The following GPC3 variants were observed in gnomAD, a reference collection of about 807,000 sequenced individuals.
The protein encoded by GPC3 is glypican 3.
A neutral mutation model predicts 34.4 loss-of-function variants in GPC3; 3 were observed. The observed-to-expected ratio is 0.09, with a 90% CI of 0.04 to 0.23. GPC3 has a LOEUF of 0.23. Ranked by LOEUF, GPC3 falls within the 10% of genes least tolerant of loss-of-function variation. The probability of loss-of-function intolerance (pLI) is 1.00; values close to 1 mark genes in which losing one functional copy is unlikely to be tolerated. For missense variants in GPC3, 351 were observed against 445.6 expected, an observed-to-expected ratio of 0.79 and a Z score of 1.91; for synonymous variants, 177 against 174.0, an observed-to-expected ratio of 1.02 and a Z score of -0.13.
In GPC3 at chrX:133,650,949, A is replaced by G. The variant is rs185679226; in HGVS notation, c.1413+10781T>C. Among the ~76,000 whole-genome samples, 7 of 111,570 alleles carry G rather than the reference A, an allele frequency of 6.3e-5. No homozygotes were observed. In the East Asian group the frequency reaches 2.0e-3, roughly 32 times the overall value. Reference sequence around the variant, plus strand: ...GTTACTACAAAATGACAAATCTGAGAATTAAAAATAGATCTATTTGGCTCT... The same window carrying G: ...GTTACTACAAAATGACAAATCTGAGGATTAAAAATAGATCTATTTGGCTCT... On this transcript the variant is annotated intron_variant, in intron 6 of 7. Coordinates refer to ENST00000370818, the MANE Select transcript of GPC3 (RefSeq NM_004484.4).
chrX:133,961,716 A>G (rs1443144401), intron 1 of GPC3, among the ~76,000 whole-genome samples: 1 of 111,867 alleles, frequency 8.9e-6, no homozygotes, highest in Non-Finnish European at 1.9e-5. Flanking sequence ...CAAATTAACT[A>G]GAAACCTTTC....
At chrX:133,673,778 A>G (rs1241791882) in intron 5 of GPC3, among the ~76,000 whole-genome samples, 1 of 112,397 alleles carries the variant, frequency 8.9e-6, no homozygotes, top group Non-Finnish European at 1.9e-5. Context: ...GAATTATTTG[A>G]TATAATGAAT....
intron 2 of GPC3, among the ~76,000 whole-genome samples, chrX:133,927,537 T>G (rs1206239112): frequency 9.1e-6 from 1 of 109,867 alleles, no homozygotes; most frequent in Non-Finnish European, 1.9e-5. Flanking sequence ...AGTGCCTTGA[T>G]GCAATCATGG....
At chrX:133,708,401 G>A (rs909907392) in intron 3 of GPC3, among the ~76,000 whole-genome samples, 4 of 111,514 alleles carry the variant, frequency 3.6e-5, no homozygotes, top group Non-Finnish European at 3.8e-5. Context: ...ATCCAAAGAA[G>A]CCTTTCCATA....
At chrX:133,721,396 T>C (rs1252000055) in intron 3 of GPC3, among the ~76,000 whole-genome samples, 1 of 110,325 alleles carries the variant, frequency 9.1e-6, no homozygotes, top group East Asian at 2.8e-4. Flanking sequence ...AACAACTTTA[T>C]GCCAAAAAGT....
At chrX:133,740,892 A>T (rs1286595089) in intron 3 of GPC3, among the ~76,000 whole-genome samples, 2 of 110,018 alleles carry the variant, frequency 1.8e-5, no homozygotes, top group East Asian at 2.8e-4. Context: ...TGTTTGTTTT[A>T]AAAAAACGTA....
intron 7 of GPC3, among the ~76,000 whole-genome samples, chrX:133,538,048 C>T (rs986676550): frequency 2.7e-5 from 3 of 111,275 alleles, no homozygotes; most frequent in Non-Finnish European, 3.8e-5. Flanking sequence ...CCTGAGTACT[C>T]GTAATAATTC....
chrX:133,795,690 T>C (rs916920641), intron 2 of GPC3, among the ~76,000 whole-genome samples: 18 of 111,458 alleles, frequency 1.6e-4, no homozygotes, highest in African/African-American at 5.9e-4. Flanking sequence ...ATATAAATTA[T>C]CTTGAGGCTT....
chrX:133,916,879 A>AATG (rs1270631536), intron 2 of GPC3, among the ~76,000 whole-genome samples: 1 of 110,811 alleles, frequency 9.0e-6, no homozygotes, highest in Non-Finnish European at 1.9e-5. Flanking sequence ...ATCCTGTCTC[A>AATG]ATGATGATGA....
At chrX:133,655,459 C>T (rs1373776144) in intron 6 of GPC3, among the ~76,000 whole-genome samples, 1 of 106,953 alleles carries the variant, frequency 9.3e-6, no homozygotes. Context: ...CTTGTAGGTA[C>T]TCTGTCCTTC....
At chrX:133,830,678 CAAAAAAAAAAA>C (rs1174232524) in intron 2 of GPC3, among the ~76,000 whole-genome samples, 12 of 13,437 alleles carry the variant, frequency 8.9e-4, no homozygotes, top group African/African-American at 1.6e-3. Flanking sequence ...GACTCCATCT[CAAAAAAAAAAA>C]AAAAAAAAAA....
At chrX:133,542,350 G>T (rs772309213) in intron 7 of GPC3, among the ~76,000 whole-genome samples, 3 of 111,178 alleles carry the variant, frequency 2.7e-5, no homozygotes, top group African/African-American at 9.8e-5. Context: ...GCATGGATAG[G>T]CATGCACAGG....
chrX:133,962,579 A>G (rs1331934880), intron 1 of GPC3, among the ~76,000 whole-genome samples: 3 of 111,978 alleles, frequency 2.7e-5, no homozygotes, highest in African/African-American at 9.7e-5. Context: ...ACTGGGTTGG[A>G]GAACAATGCC....
intron 2 of GPC3, among the ~76,000 whole-genome samples, chrX:133,889,876 C>T (rs1036438463): frequency 1.1e-5 from 1 of 91,395 alleles, no homozygotes; most frequent in Non-Finnish European, 2.1e-5. Context: ...CACTCTGTTG[C>T]CCAGGCTGGA....
Position 133,647,503 on chromosome X carries a change from C to T in GPC3, c.1413+14227G>A, listed in dbSNP as rs1328657648. Among the ~76,000 whole-genome samples, 6 of 112,667 alleles carry T rather than the reference C, an allele frequency of 5.3e-5. No individual in the cohort carries two copies. The Admixed American group carries it at 5.6e-4, about 11-fold the overall frequency. ...TGAACAAGCGAGGTCTTATATATAA[C>T]ATGTGTAAAGTTCTTGGAGACTGTT... is the stretch of plus-strand genomic sequence containing the variant. On this transcript the variant is annotated intron_variant, in intron 6 of 7. Transcript: ENST00000370818.
At chrX:133,605,249 C>G (rs1320915877) in intron 6 of GPC3, among the ~76,000 whole-genome samples, 2 of 111,172 alleles carry the variant, frequency 1.8e-5, no homozygotes, top group African/African-American at 6.5e-5. Flanking sequence ...AATCCCTACT[C>G]AGCCTACTTA....
chrX:133,968,740 CT>C (rs2076476076), intron 1 of GPC3, among the ~76,000 whole-genome samples: 1 of 102,644 alleles, frequency 9.7e-6, no homozygotes. Flanking sequence ...TTTTTTTTTC[CT>C]TTTTAGTTTT....
At chrX:133,850,194 G>GTTTTTTTTTTTTTTTTTTTTT (rs749809263) in intron 2 of GPC3, among the ~76,000 whole-genome samples, 1 of 68,008 alleles carries the variant, frequency 1.5e-5, no homozygotes, top group African/African-American at 5.7e-5. Context: ...TTTGGGTTTT[G>GTTTTTTTTTTTTTTTTTTTTT]TTTTTTTTTT....
At chrX:133,688,943 A>T (rs927435338) in intron 5 of GPC3, among the ~76,000 whole-genome samples, 19 of 111,634 alleles carry the variant, frequency 1.7e-4, no homozygotes, top group South Asian at 3.8e-4. Context: ...AGTAATTTTT[A>T]AAAAAATTTA....
Sources: gnomAD v4.1 joint callset for allele counts (sites outside exome capture counted in the v4.1 genomes callset) on GRCh38, gnomAD v4.1.1 for gene constraint, MANE v1.5 for transcripts, NCBI Gene and HGNC (gene_info 2026-07-23, HGNC 2026-07-21) for gene names.